Variants in KIF1A observed in about 807,000 individuals in gnomAD.
The protein encoded by KIF1A is kinesin family member 1A, also known as kinesin-like protein KIF1A.
In KIF1A, 46 loss-of-function variants were observed where a neutral mutation model predicts 227.3. That is an observed-to-expected ratio of 0.20 (90% CI 0.16 to 0.26). KIF1A has a LOEUF of 0.26. Ranked by LOEUF, KIF1A falls within the 10% of genes least tolerant of loss-of-function variation. KIF1A has a pLI of 1.00. For synonymous variants in KIF1A, 1,022 were observed against 1,012.8 expected (o/e 1.01, Z -0.17); for missense variants, 1,683 against 2,485.9 (o/e 0.68, Z 6.87).
chr2:240,783,938 G>T, intron 7 of KIF1A, 122 bp from the exon 8 acceptor site: 1 of 738,204 alleles, frequency 1.4e-6, no homozygotes, highest in Non-Finnish European at 2.4e-6. Context: ...CCTCTGCAAG[G>T]CGCCGCCCCT....
chr2:240,740,013 C>T lies in KIF1A; in HGVS notation c.3901+45G>A. The T allele has an allele frequency of 6.8e-7, 1 of 1,479,508 alleles. No individual in the cohort carries two copies. Among genetic ancestry groups the T allele is most frequent in the Non-Finnish European group, 9.3e-7 (1 of 1,080,454 alleles). 91.6% of individuals were successfully genotyped at this position (1,479,508 alleles called of 1,614,324 possible). A position where few individuals can be genotyped will look rare whatever the true frequency, so the allele number is the denominator to read the frequency against. On this transcript the variant is annotated intron_variant, in intron 37 of 48. Transcript: ENST00000498729. The surrounding 1 kb of genome is among the most constrained non-coding windows in gnomAD (Gnocchi z 6.1). ...CAGCTCAGGGCCTGTACTCTTCCCA[C>T]CAGCTCAGCCCCACCCACCAAGGCA...
chr2:240,763,092 C>A lies in KIF1A; in HGVS notation c.1950-1G>T. 6.3e-7 allele frequency: 1 copy of A among 1,586,880 alleles called. No individual in the cohort carries two copies. The highest frequency in any genetic ancestry group is 2.3e-5 in the East Asian group (1 of 44,402). On this transcript the variant is annotated splice_acceptor_variant, in intron 21 of 48. Coordinates refer to ENST00000498729, the MANE Select transcript of KIF1A (RefSeq NM_001244008.2). LOFTEE classifies it high-confidence loss of function. ...GTACTGGTCCTCCAGTTCCTGGAGC[C>A]TGCAAGGGGGCATTGGGGTGAGCAC...
Position 240,718,803 on chromosome 2 carries a change from C to T in KIF1A, c.5214+203G>A, listed in dbSNP as rs557659280. ...CACTAGCTGTCACCAGGAATATGCG[C>T]CTCATGGGCAGGCAGAGAGGCCTGG... On this transcript the variant is annotated intron_variant, in intron 47 of 48. Coordinates refer to ENST00000498729, the MANE Select transcript of KIF1A (RefSeq NM_001244008.2). Among the ~76,000 whole-genome samples, 11 of 152,340 alleles carry T rather than the reference C, an allele frequency of 7.2e-5. No individual in the cohort carries two copies. In the South Asian group the frequency reaches 1.9e-3, roughly 26 times the overall value.
chr2:240,777,861 A>G (rs2052984053), intron 10 of KIF1A, among the ~76,000 whole-genome samples: 1 of 152,068 alleles, frequency 6.6e-6, no homozygotes, highest in South Asian at 2.1e-4. Context: ...GCTCCTTCAA[A>G]AGTCTCTGTC....
Position 240,788,034 on chromosome 2 carries a change from C to CCCCCCCCCCCTAGG in KIF1A, c.363+16_363+17insCCTAGGGGGGGGGG. On this transcript the variant is annotated intron_variant, in intron 4 of 48. Transcript: ENST00000498729. The surrounding 1 kb of genome is among the most constrained non-coding windows in gnomAD (Gnocchi z 6.6). ...CCCATCTGCCAGGGCTGCCCCCGCC[C>CCCCCCCCCCCTAGG]GCCCCCCGCTTCGTGCCTGTGGGAT... 1 of 1,449,060 alleles carries CCCCCCCCCCCTAGG rather than the reference C, an allele frequency of 6.9e-7. No individual in the cohort carries two copies. The highest frequency in any genetic ancestry group is 9.4e-7 in the Non-Finnish European group (1 of 1,059,100). The allele number at this position is 1,449,060 out of a possible 1,614,324, so 89.8% of individuals were successfully genotyped here. A position where few individuals can be genotyped will look rare whatever the true frequency, so the allele number is the denominator to read the frequency against.
At chr2:240,730,965 C>T (rs2046533723) in intron 38 of KIF1A, among the ~76,000 whole-genome samples, 1 of 152,220 alleles carries the variant, frequency 6.6e-6, no homozygotes, top group African/African-American at 2.4e-5. Context: ...CCCCACCCTC[C>T]AAGCCCCCTG....
chr2:240,806,100 C>T (rs1267150999), intron 1 of KIF1A, among the ~76,000 whole-genome samples: 1 of 152,202 alleles, frequency 6.6e-6, no homozygotes, highest in African/African-American at 2.4e-5. Context: ...AGAGAAGGGG[C>T]ACATACTAGG....
chr2:240,742,420 A>G (rs2048088767), intron 34 of KIF1A, among the ~76,000 whole-genome samples: 1 of 152,118 alleles, frequency 6.6e-6, no homozygotes, highest in Non-Finnish European at 1.5e-5. Context: ...TTGGTCTTGC[A>G]GGAAATAAAC....
intron 1 of KIF1A, among the ~76,000 whole-genome samples, chr2:240,806,702 G>C (rs1575667170): frequency 6.6e-6 from 1 of 152,124 alleles, no homozygotes; most frequent in Non-Finnish European, 1.5e-5. Context: ...AAAATTACTA[G>C]ACCTGCCAAG....
chr2:240,798,566 C>T (rs2056653903), intron 1 of KIF1A, among the ~76,000 whole-genome samples: 1 of 152,188 alleles, frequency 6.6e-6, no homozygotes, highest in Non-Finnish European at 1.5e-5. Flanking sequence ...CCCAGTTTAC[C>T]GTCTGTGAAA....
intron 38 of KIF1A, chr2:240,734,648 CA>C (rs1053017112): frequency 4.2e-6 from 5 of 1,193,054 alleles, no homozygotes; most frequent in African/African-American, 3.1e-5. Flanking sequence ...GGGGGGCGGT[CA>C]GGGGAGGAGC....
chr2:240,741,222 C>T (rs1326148261), intron 35 of KIF1A, 47 bp downstream of exon 35: 11 of 1,319,960 alleles, frequency 8.3e-6, no homozygotes, highest in Non-Finnish European at 1.1e-5. Flanking sequence ...CTCCGCGCAC[C>T]CCCCGACACA....
chr2:240,740,206 G>A lies in KIF1A; in HGVS notation c.3817-64C>T, dbSNP rs2047793987. On this transcript the variant is annotated intron_variant, in intron 36 of 48. Transcript: ENST00000498729. This position sits in a 1 kb window ranked among gnomAD's most constrained non-coding sequence, Gnocchi z 6.1. ...AGGGGGCTACGTAGGGTGAGGGAGG[G>A]GGACACAGGCAGGGTAGGGGCAGGG... The A allele has an allele frequency of 1.3e-6, 2 of 1,572,640 alleles. No individual in the cohort carries two copies. Among genetic ancestry groups the A allele is most frequent in the Non-Finnish European group, 1.7e-6 (2 of 1,149,284 alleles).
At chr2:240,742,742 G>A (rs1205260065) in intron 34 of KIF1A, among the ~76,000 whole-genome samples, 187 bp downstream of exon 34, 1 of 152,144 alleles carries the variant, frequency 6.6e-6, no homozygotes, top group Non-Finnish European at 1.5e-5. Context: ...CTACTCTCTG[G>A]GCACAGGGCA....
At chr2:240,772,666 G>T in intron 13 of KIF1A, 70 bp from the exon 14 acceptor site, 1 of 1,289,966 alleles carries the variant, frequency 7.8e-7, no homozygotes, top group Non-Finnish European at 1.1e-6. Context: ...TCTCCAGAGG[G>T]TCAGGCACGC....
At position 240,769,117 on chromosome 2, in the gene KIF1A, C is replaced by T; in HGVS notation, c.1497+16G>A. 6.2e-7 allele frequency: 1 copy of T among 1,601,380 alleles called. No individual in the cohort carries two copies. Among genetic ancestry groups the T allele is most frequent in the Non-Finnish European group, 8.5e-7 (1 of 1,173,684 alleles). On this transcript the variant is annotated intron_variant, in intron 17 of 48. Transcript: ENST00000498729. ...TTCAGATGAGGGCAGTACCACAGAA[C>T]TGAGATAGCTCCTACCTTTTTGGGA...
intron 28 of KIF1A, 86 bp downstream of exon 28, chr2:240,750,343 C>T: frequency 1.0e-6 from 1 of 961,522 alleles, no homozygotes; most frequent in African/African-American, 1.6e-5. Flanking sequence ...CCAGAAGGCC[C>T]TTCTTGGGCC....
chr2:240,783,161 C>T (rs1003168640), intron 8 of KIF1A, 52 bp from the exon 9 acceptor site: 79 of 1,409,586 alleles, frequency 5.6e-5, no homozygotes, highest in Non-Finnish European at 7.5e-5. Context: ...CGTGGGGCCT[C>T]CTGCTCTGGA....
intron 6 of KIF1A, 63 bp from the exon 7 acceptor site, chr2:240,785,163 T>C (rs2054568949): frequency 7.4e-7 from 1 of 1,351,116 alleles, no homozygotes; most frequent in South Asian, 1.2e-5. Flanking sequence ...AGATCGCCGG[T>C]GGTGCCAGCC....
Sources: gnomAD v4.1 joint callset for allele counts (sites outside exome capture counted in the v4.1 genomes callset) on GRCh38, gnomAD v4.1.1 for gene constraint, Gnocchi (gnomAD v3.1) non-coding constraint, MANE v1.5 for transcripts, NCBI Gene and HGNC (gene_info 2026-07-23, HGNC 2026-07-21) for gene names.